TDRD3: variants seen among roughly 807,000 people sequenced by gnomAD.
TDRD3 encodes tudor domain-containing protein 3.
TDRD3 carries 45 observed loss-of-function variants against 86.7 expected under a neutral mutation model. The ratio of observed to expected loss-of-function variants is 0.52; its 90% CI spans 0.41 to 0.67. TDRD3 has a LOEUF of 0.67. TDRD3 is among the 30% of genes least tolerant of loss of function. The pLI is 0.00. For synonymous variants in TDRD3, 298 were observed against 301.7 expected (o/e 0.99, Z 0.13); for missense variants, 814 against 889.0 (o/e 0.92, Z 1.07).
At chr13:60,500,044 G>A (rs530208703) in intron 8 of TDRD3, among the ~76,000 whole-genome samples, 50 of 152,288 alleles carry the variant, frequency 3.3e-4, no homozygotes, top group African/African-American at 1.1e-3. Context: ...TTCGCAGGCC[G>A]CCATAGGTGA....
intron 12 of TDRD3, among the ~76,000 whole-genome samples, chr13:60,538,775 G>T (rs1045274279): frequency 1.3e-5 from 2 of 152,092 alleles, no homozygotes; most frequent in East Asian, 1.9e-4. Flanking sequence ...GCAATTTGGA[G>T]GCTTGTAAAA....
chr13:60,467,576 C>T (rs1342509771), intron 5 of TDRD3, among the ~76,000 whole-genome samples, 197 bp downstream of exon 5: 1 of 152,140 alleles, frequency 6.6e-6, no homozygotes, highest in East Asian at 1.9e-4. Flanking sequence ...GTATTTGTTA[C>T]ATTTTATTAC....
intron 8 of TDRD3, among the ~76,000 whole-genome samples, chr13:60,495,281 G>C (rs1403287085): frequency 2.6e-5 from 4 of 152,072 alleles, no homozygotes; most frequent in African/African-American, 9.7e-5. Context: ...TGATTTCTTG[G>C]CTTTCTCCTT....
At chr13:60,446,393 AT>A (rs759914572) in intron 3 of TDRD3, among the ~76,000 whole-genome samples, 2 of 151,792 alleles carry the variant, frequency 1.3e-5, no homozygotes, top group African/African-American at 2.4e-5. Flanking sequence ...CGCCTGGCTA[AT>A]TTTTGTATTT....
chr13:60,525,166 C>CTTTTTTTTTT (rs71199006), intron 10 of TDRD3, among the ~76,000 whole-genome samples: 3 of 56,092 alleles, frequency 5.3e-5, no homozygotes, highest in Non-Finnish European at 9.6e-5. Flanking sequence ...TAAGGGAATT[C>CTTTTTTTTTT]TTTTTTTTTT....
Position 60,553,229 on chromosome 13 carries a change from G to T in TDRD3, c.2119-14296G>T, listed in dbSNP as rs189286211. On this transcript the variant is annotated intron_variant, in intron 12 of 13. Coordinates refer to ENST00000377881, the MANE Select transcript of TDRD3 (RefSeq NM_001146070.2). ...GAATGTAGATCACTGAACGCTTTCA[G>T]GATAAGCCAGGTCACCTCTTGAATG... Among the ~76,000 whole-genome samples, 19 of 152,252 alleles carry T rather than the reference G, an allele frequency of 1.2e-4. No individual in the cohort carries two copies. In the East Asian group the frequency reaches 3.7e-3, roughly 29 times the overall value.
At chr13:60,510,560 T>C (rs1240384215) in intron 9 of TDRD3, 70 bp from the exon 10 acceptor site, 2 of 1,318,380 alleles carry the variant, frequency 1.5e-6, no homozygotes, top group East Asian at 2.8e-5. Context: ...TATTGTTGGT[T>C]ATATATTAGT....
intron 12 of TDRD3, among the ~76,000 whole-genome samples, chr13:60,560,998 T>TA (rs1958319703): frequency 6.6e-6 from 1 of 152,182 alleles, no homozygotes; most frequent in East Asian, 1.9e-4. Flanking sequence ...ATGAGGTACA[T>TA]AAAAAGAGAT....
Position 60,528,455 on chromosome 13 carries a change from G to T in TDRD3, c.1230G>T (p.Leu410=). The change falls in exon 11 of 14, where the codon CTG becomes CTT. Residue 410 remains leucine, a synonymous_variant. Coordinates refer to ENST00000377881, the MANE Select transcript of TDRD3 (RefSeq NM_001146070.2). Reference sequence around the variant, plus strand: ...ATGGAGTAAAAGATAATAATCATCTGAGACATCCTCCTCGAAATGATACCA... The same window carrying T: ...ATGGAGTAAAAGATAATAATCATCTTAGACATCCTCCTCGAAATGATACCA... ...EQNGVKDNNH[L]RHPPRNDTRQ... The T allele has an allele frequency of 6.2e-7, 1 of 1,613,904 alleles. No individual in the cohort carries two copies. The highest frequency in any genetic ancestry group is 1.1e-5 in the South Asian group (1 of 91,068).
At chr13:60,571,429 C>T (rs535683495) in intron 13 of TDRD3, among the ~76,000 whole-genome samples, 1 of 152,248 alleles carries the variant, frequency 6.6e-6, no homozygotes, top group African/African-American at 2.4e-5. Flanking sequence ...CATTTGACTT[C>T]CAGCAAATAT....
intron 12 of TDRD3, among the ~76,000 whole-genome samples, chr13:60,554,720 C>A (rs549890611): frequency 5.9e-5 from 9 of 152,256 alleles, no homozygotes; most frequent in African/African-American, 1.7e-4. Context: ...AGCTGAATGG[C>A]AAAGGAGAAA....
At chr13:60,437,213 G>C (rs992853397) in intron 1 of TDRD3, among the ~76,000 whole-genome samples, 1 of 138,478 alleles carries the variant, frequency 7.2e-6, no homozygotes, top group African/African-American at 2.7e-5. Context: ...TGCAACCTCT[G>C]CCTCCCGGGT....
At chr13:60,554,635 C>T (rs1482132806) in intron 12 of TDRD3, among the ~76,000 whole-genome samples, 2 of 152,034 alleles carry the variant, frequency 1.3e-5, no homozygotes, top group African/African-American at 4.8e-5. Context: ...TTTGAAAAAC[C>T]CAAGAAAATA....
chr13:60,416,100 G>A (rs781695688), intron 1 of TDRD3, among the ~76,000 whole-genome samples: 4 of 152,106 alleles, frequency 2.6e-5, no homozygotes, highest in Non-Finnish European at 5.9e-5. Context: ...TGTTTTGGAA[G>A]TTGATAAGGT....
intron 12 of TDRD3, among the ~76,000 whole-genome samples, chr13:60,541,481 A>ATT (rs1011553881): frequency 6.6e-6 from 1 of 150,378 alleles, no homozygotes; most frequent in Non-Finnish European, 1.5e-5. Flanking sequence ...GCATTCTTTT[A>ATT]TTTTTTTTTG....
In TDRD3 at chr13:60,397,286, A is replaced by G; in HGVS notation, c.-79A>G. The G allele has an allele frequency of 6.8e-6, 4 of 591,720 alleles. No homozygotes were observed. The highest frequency in any genetic ancestry group is 3.1e-5 in the South Asian group (1 of 31,892). 36.7% of individuals were successfully genotyped at this position (591,720 alleles called of 1,614,324 possible). On this transcript the variant is annotated 5_prime_UTR_variant, in exon 1 of 14. Transcript: ENST00000377881. ...TCTTTTCTTTTCTTTTTTTTTTTTT[A>G]AGGGGGGGGGTCTCAAGTAGGAGGC... is the stretch of plus-strand genomic sequence containing the variant.
chr13:60,419,077 TTGC>T (rs1954593361), intron 1 of TDRD3, among the ~76,000 whole-genome samples: 2 of 152,318 alleles, frequency 1.3e-5, no homozygotes, highest in African/African-American at 4.8e-5. Context: ...AGGAGTGAAA[TTGC>T]TGGGCCATAG....
At chr13:60,472,946 G>T (rs1956103634) in intron 5 of TDRD3, among the ~76,000 whole-genome samples, 1 of 152,128 alleles carries the variant, frequency 6.6e-6, no homozygotes, top group Non-Finnish European at 1.5e-5. Flanking sequence ...ATTCAGTATG[G>T]AAAGTTTTAA....
At chr13:60,561,312 C>T (rs1215336611) in intron 12 of TDRD3, among the ~76,000 whole-genome samples, 1 of 152,052 alleles carries the variant, frequency 6.6e-6, no homozygotes, top group Non-Finnish European at 1.5e-5. Flanking sequence ...AACTCAGAGC[C>T]AGAGGCCTGC....
Sources: gnomAD v4.1 joint callset for allele counts (sites outside exome capture counted in the v4.1 genomes callset) on GRCh38, gnomAD v4.1.1 for gene constraint, MANE v1.5 for transcripts, NCBI Gene and HGNC (gene_info 2026-07-23, HGNC 2026-07-21) for gene names.